The following CACNG3 variants were observed in gnomAD, a reference collection of about 807,000 sequenced individuals.
The protein encoded by CACNG3 is calcium voltage-gated channel auxiliary subunit gamma 3.
Under a neutral mutation model 28.5 loss-of-function variants are expected in CACNG3, and 3 were observed. The observed-to-expected ratio is 0.11, with a 90% CI of 0.05 to 0.27. The LOEUF (loss-of-function observed/expected upper bound fraction) is 0.27. CACNG3 is among the 10% of genes least tolerant of loss of function. The probability of loss-of-function intolerance (pLI) is 1.00; values close to 1 mark genes in which losing one functional copy is unlikely to be tolerated. For synonymous variants in CACNG3, 174 were observed against 162.2 expected, an observed-to-expected ratio of 1.07 and a Z score of -0.55; for missense variants, 236 against 414.4, an observed-to-expected ratio of 0.57 and a Z score of 3.74.
chr16:24,358,548 A>G (rs1446578148), intron 3 of CACNG3, among the ~76,000 whole-genome samples: 1 of 152,168 alleles, frequency 6.6e-6, no homozygotes, highest in Non-Finnish European at 1.5e-5. Context: ...CATTCAACAA[A>G]TATGCACTGC....
chr16:24,305,621 G>A (rs891601668), intron 1 of CACNG3, among the ~76,000 whole-genome samples: 2 of 152,078 alleles, frequency 1.3e-5, no homozygotes, highest in African/African-American at 4.8e-5. Context: ...ACAGGGAGGA[G>A]AACATCACAC....
rs1239442307 is a variant in CACNG3, at chr16:24,361,201, C to T, written c.437-151C>T. On this transcript the variant is annotated intron_variant, in intron 3 of 3. Coordinates refer to ENST00000005284, the MANE Select transcript of CACNG3 (RefSeq NM_006539.4). The surrounding 1 kb of genome is among the most constrained non-coding windows in gnomAD (Gnocchi z 6.8). ...TTCATTTCCTAAGTGACAGACCATG[C>T]AAGAAGAACTAGGTGGTTGGATTTC... 1.6e-6 allele frequency: 1 copy of T among 631,272 alleles called. No homozygotes were observed. Among genetic ancestry groups the T allele is most frequent in the Non-Finnish European group, 2.8e-6 (1 of 363,334 alleles). The allele number at this position is 631,272 out of a possible 1,614,324, so 39.1% of individuals were successfully genotyped here.
At chr16:24,339,703 G>A (rs1368137881) in intron 1 of CACNG3, among the ~76,000 whole-genome samples, 1 of 152,094 alleles carries the variant, frequency 6.6e-6, no homozygotes, top group Non-Finnish European at 1.5e-5. Flanking sequence ...AGCTACTTAA[G>A]TAGACTAATT....
chr16:24,315,292 GGTCTCCTCCGA>G (rs1206308813), intron 1 of CACNG3, among the ~76,000 whole-genome samples: 1 of 152,020 alleles, frequency 6.6e-6, no homozygotes, highest in Non-Finnish European at 1.5e-5. Context: ...CAGGGGGAAG[GGTCTCCTCCGA>G]ATCCTAGGAA....
At chr16:24,325,596 C>T (rs1899530330) in intron 1 of CACNG3, among the ~76,000 whole-genome samples, 2 of 152,222 alleles carry the variant, frequency 1.3e-5, no homozygotes, top group South Asian at 2.1e-4. Flanking sequence ...TTATGCAGCA[C>T]GGGCTGGTGA....
At chr16:24,309,128 C>T (rs553644823) in intron 1 of CACNG3, among the ~76,000 whole-genome samples, 4 of 152,134 alleles carry the variant, frequency 2.6e-5, no homozygotes, top group African/African-American at 7.2e-5. Flanking sequence ...AACCATTGTT[C>T]GATTATCTCT....
chr16:24,258,703 A>T (rs1898500632), intron 1 of CACNG3, among the ~76,000 whole-genome samples: 1 of 152,018 alleles, frequency 6.6e-6, no homozygotes, highest in Non-Finnish European at 1.5e-5. Context: ...TGTAAAACTG[A>T]TTTGGTGGAT....
At position 24,346,837 on chromosome 16, in the gene CACNG3, G is replaced by A. The variant is rs193097772; in HGVS notation, c.295+20G>A. ...TCCTGCGTAAGTTCCCCGGCTTCTCGGGTCTCTCTGGGAGGAAGGGATGGG... is the reference window on the plus strand; with the variant it reads ...TCCTGCGTAAGTTCCCCGGCTTCTCAGGTCTCTCTGGGAGGAAGGGATGGG... On this transcript the variant is annotated intron_variant, in intron 2 of 3. Coordinates refer to ENST00000005284, the MANE Select transcript of CACNG3 (RefSeq NM_006539.4). 135 of 1,597,418 alleles carry A rather than the reference G, an allele frequency of 8.5e-5. 1 individual carries two copies. The Middle Eastern group carries it at 3.2e-3, about 37-fold the overall frequency.
chr16:24,288,884 C>A (rs1276399251), intron 1 of CACNG3, among the ~76,000 whole-genome samples: 1 of 152,152 alleles, frequency 6.6e-6, no homozygotes, highest in Non-Finnish European at 1.5e-5. Context: ...CACACACACA[C>A]ACACACACAC....
At chr16:24,286,419 CACACACACACACACAT>C (rs1898894119) in intron 1 of CACNG3, among the ~76,000 whole-genome samples, 1 of 138,744 alleles carries the variant, frequency 7.2e-6, no homozygotes, top group Non-Finnish European at 1.7e-5. Flanking sequence ...CACACACACA[CACACACACACACACAT>C]ATATATATAT....
chr16:24,304,552 C>G (rs1276489550), intron 1 of CACNG3, among the ~76,000 whole-genome samples: 1 of 152,046 alleles, frequency 6.6e-6, no homozygotes, highest in Non-Finnish European at 1.5e-5. Context: ...AACTTGACCT[C>G]CAACAGCACA....
intron 1 of CACNG3, 39 bp downstream of exon 1, chr16:24,257,004 G>A (rs754185671): frequency 4.8e-6 from 6 of 1,256,708 alleles, no homozygotes; most frequent in Non-Finnish European, 7.0e-6. Flanking sequence ...GAATAATCCA[G>A]TTCTGATATT....
chr16:24,351,478 A>G (rs778688364), intron 2 of CACNG3, among the ~76,000 whole-genome samples: 16 of 151,690 alleles, frequency 1.1e-4, no homozygotes, highest in Non-Finnish European at 2.1e-4. Context: ...AAGCTGAGAC[A>G]GGAGAATTGC....
At chr16:24,300,775 G>C (rs533257175) in intron 1 of CACNG3, among the ~76,000 whole-genome samples, 1 of 152,110 alleles carries the variant, frequency 6.6e-6, no homozygotes, top group African/African-American at 2.4e-5. Flanking sequence ...AATTAGCTGG[G>C]TGGGCCAGTG....
At chr16:24,332,699 C>T (rs1026357686) in intron 1 of CACNG3, among the ~76,000 whole-genome samples, 1 of 152,094 alleles carries the variant, frequency 6.6e-6, no homozygotes, top group Non-Finnish European at 1.5e-5. Context: ...CAAGGTTGCA[C>T]GGACAGGCAA....
rs1567217576 is a variant in CACNG3 at position 24,317,634 on chromosome 16, G to GA, written c.212-29097dup. Among the ~76,000 whole-genome samples, 129 of 39,032 alleles carry GA rather than the reference G, an allele frequency of 3.3e-3. 9 individuals are homozygous for GA. The highest frequency in any genetic ancestry group is 0.012 in the East Asian group (17 of 1,402). 25.6% of individuals were successfully genotyped at this position (39,032 alleles called of 152,430 possible). A position where few individuals can be genotyped will look rare whatever the true frequency, so the allele number is the denominator to read the frequency against. The stretch of plus-strand genomic sequence containing the variant: ...AGAAAGAAAGAAAGAAAGACAGACA[G>GA]AAAGAAAGAAAAGAAAAGAAAGAAA... On this transcript the variant is annotated intron_variant, in intron 1 of 3. Coordinates refer to ENST00000005284, the MANE Select transcript of CACNG3 (RefSeq NM_006539.4).
At chr16:24,293,473 G>A (rs1898991712) in intron 1 of CACNG3, among the ~76,000 whole-genome samples, 1 of 152,096 alleles carries the variant, frequency 6.6e-6, no homozygotes, top group South Asian at 2.1e-4. Context: ...AATCTTTGAA[G>A]AAGCTACTTT....
At chr16:24,287,216 G>A (rs1322057191) in intron 1 of CACNG3, among the ~76,000 whole-genome samples, 1 of 152,152 alleles carries the variant, frequency 6.6e-6, no homozygotes. Context: ...AGGTACGCAT[G>A]ATTAAAAGTG....
chr16:24,299,716 G>A (rs1750680671), intron 1 of CACNG3, among the ~76,000 whole-genome samples: 1 of 152,152 alleles, frequency 6.6e-6, no homozygotes, highest in African/African-American at 2.4e-5. Flanking sequence ...AGACATGTAT[G>A]AGACTGTTTA....
Sources: allele counts gnomAD v4.1 joint callset (sites outside exome capture counted in the v4.1 genomes callset), GRCh38; gene constraint gnomAD v4.1.1; non-coding constraint Gnocchi (gnomAD v3.1); transcripts MANE v1.5; gene names NCBI Gene and HGNC (gene_info 2026-07-23, HGNC 2026-07-21).